Variants in CHORDC1 observed in about 807,000 individuals in gnomAD.
CHORDC1 encodes the protein cysteine and histidine-rich domain-containing protein 1.
In CHORDC1, 25 loss-of-function variants were observed where a neutral mutation model predicts 48.3. The observed-to-expected ratio is 0.52, with a 90% CI of 0.38 to 0.72. The LOEUF is 0.72. Among genes scored for constraint, CHORDC1 ranks in the 30% least tolerant of loss-of-function variants. CHORDC1 has a pLI of 0.00. For missense variants in CHORDC1, 317 were observed against 388.7 expected (o/e 0.82, Z 1.55); for synonymous variants, 128 against 126.4 (o/e 1.01, Z -0.09).
intron 4 of CHORDC1, 122 bp from the exon 5 acceptor site, chr11:90,211,440 T>C (rs1284138227): frequency 3.1e-6 from 2 of 648,070 alleles, no homozygotes; most frequent in African/African-American, 3.7e-5. Flanking sequence ...ATGATTCCCA[T>C]TAAAAGGTTA....
chr11:90,213,951 A>G, intron 4 of CHORDC1, 67 bp downstream of exon 4: 1 of 1,310,240 alleles, frequency 7.6e-7, no homozygotes, highest in Non-Finnish European at 1.1e-6. Flanking sequence ...TAAATCATAA[A>G]GGAAAGTACC....
chr11:90,202,362 A>G lies in CHORDC1; in HGVS notation c.*43T>C, dbSNP rs1243638112. On this transcript the variant is annotated 3_prime_UTR_variant, in exon 11 of 11. Transcript: ENST00000320585. ...GCAAGCCACCACTTCACACAGTATT[A>G]AAAATTCGGAAATAATGTAATAGCC... 6.3e-7 allele frequency: 1 copy of G among 1,586,104 alleles called. No homozygotes were observed. The highest frequency in any genetic ancestry group is 1.7e-5 in the Admixed American group (1 of 59,350).
At position 90,200,959 on chromosome 11, in the gene CHORDC1, A is replaced by G. The variant is rs1857530876; in HGVS notation, c.*1446T>C. 1.3e-5 allele frequency among the ~76,000 whole-genome samples: 2 copies of G among 152,022 alleles called. No homozygotes were observed. Among genetic ancestry groups the G allele is most frequent in the Non-Finnish European group, 2.9e-5 (2 of 67,876 alleles). ...ATGCTTATGTACTCCATGTGGGTCC[A>G]ACTTTTACTGCCCAGAGTTTCTTGT... On this transcript the variant is annotated 3_prime_UTR_variant, in exon 11 of 11. Coordinates refer to ENST00000320585, the MANE Select transcript of CHORDC1 (RefSeq NM_012124.3).
rs755023008 is a variant in CHORDC1, at chr11:90,218,201, A to G, written c.65-17T>C. The G allele has an allele frequency of 2.2e-5, 25 of 1,141,846 alleles. No homozygotes were observed. The East Asian group carries it at 6.8e-4, about 31-fold the overall frequency. 70.7% of individuals were successfully genotyped at this position (1,141,846 alleles called of 1,614,324 possible). On this transcript the variant is annotated splice_polypyrimidine_tract_variant and intron_variant, in intron 1 of 10. Transcript: ENST00000320585. ...TGCAAGCATCTGGAGAAAACAGAGA[A>G]AAAAAAAAAAGTACCACTCTTTATA...
chr11:90,218,245 A>C, intron 1 of CHORDC1, 61 bp from the exon 2 acceptor site: 2 of 1,219,144 alleles, frequency 1.6e-6, no homozygotes, highest in Non-Finnish European at 2.3e-6. Flanking sequence ...AAATATATAC[A>C]TGATCATCTC....
Position 90,200,644 on chromosome 11 carries a change from GTA to G in CHORDC1, c.*1759_*1760del, listed in dbSNP as rs1188300051. On this transcript the variant is annotated 3_prime_UTR_variant, in exon 11 of 11. Transcript: ENST00000320585. ...CAGACTAAATATAAAAGCTACATATGTATGTGTGTGTGTGTGTGTATAAATCA... is the reference window on the plus strand; with the variant it reads ...CAGACTAAATATAAAAGCTACATATGTGTGTGTGTGTGTGTGTATAAATCA... Among the ~76,000 whole-genome samples, 1 of 138,492 alleles carries G rather than the reference GTA, an allele frequency of 7.2e-6. No homozygotes were observed. Among genetic ancestry groups the G allele is most frequent in the Non-Finnish European group, 1.6e-5 (1 of 63,146 alleles). 90.9% of individuals were successfully genotyped at this position (138,492 alleles called of 152,430 possible). A position where few individuals can be genotyped will look rare whatever the true frequency, so the allele number is the denominator to read the frequency against.
At chr11:90,207,786 A>AAAAC (rs1857742964) in intron 6 of CHORDC1, 1 of 150,432 alleles carries the variant, frequency 6.6e-6, no homozygotes, top group Non-Finnish European at 1.5e-5. Flanking sequence ...AAACAAAAAA[A>AAAAC]ACTCGTATAA....
At position 90,200,977 on chromosome 11, in the gene CHORDC1, TTTC is replaced by T. The variant is rs982686104; in HGVS notation, c.*1425_*1427del. Among the ~76,000 whole-genome samples the T allele has an allele frequency of 4.0e-5, 6 of 151,888 alleles. No individual in the cohort carries two copies. The highest frequency in any genetic ancestry group is 1.4e-4 in the African/African-American group (6 of 41,418). ...TGGGTCCAACTTTTACTGCCCAGAG[TTTC>T]TTGTCATGGTAATGTAACATCATGA... On this transcript the variant is annotated 3_prime_UTR_variant, in exon 11 of 11. Transcript: ENST00000320585.
rs911845184 is a variant in CHORDC1, at chr11:90,202,374, ATAATG to A, written c.*26_*30del. ...TTCACACAGTATTAAAAATTCGGAA[ATAATG>A]TAATAGCCTTCCTTCCATCTCCCAC... On this transcript the variant is annotated 3_prime_UTR_variant, in exon 11 of 11. Transcript: ENST00000320585. 5.6e-6 allele frequency: 9 copies of A among 1,603,428 alleles called. No homozygotes were observed. The African/African-American group carries it at 1.1e-4, about 19-fold the overall frequency.
intron 2 of CHORDC1, among the ~76,000 whole-genome samples, chr11:90,216,266 C>T (rs1027121371): frequency 1.3e-5 from 2 of 152,082 alleles, no homozygotes; most frequent in African/African-American, 4.8e-5. Flanking sequence ...AAATACAATA[C>T]AGGCCAGCTG....
chr11:90,209,476 A>G (rs969496958), intron 6 of CHORDC1: 2 of 152,084 alleles, frequency 1.3e-5, no homozygotes, highest in African/African-American at 2.4e-5. Flanking sequence ...TTCTACACGC[A>G]CTGTTCTAAG....
At chr11:90,219,020 C>T (rs1480711134) in intron 1 of CHORDC1, among the ~76,000 whole-genome samples, 1 of 150,790 alleles carries the variant, frequency 6.6e-6, no homozygotes. Context: ...AATCCCAGCA[C>T]TTTGGGAGGC....
chr11:90,202,362 A>C lies in CHORDC1; in HGVS notation c.*43T>G, dbSNP rs1243638112. The C allele has an allele frequency of 1.9e-6, 3 of 1,586,104 alleles. No individual in the cohort carries two copies. The East Asian group carries it at 6.7e-5, about 36-fold the overall frequency. On this transcript the variant is annotated 3_prime_UTR_variant, in exon 11 of 11. Transcript: ENST00000320585. ...GCAAGCCACCACTTCACACAGTATT[A>C]AAAATTCGGAAATAATGTAATAGCC...
intron 4 of CHORDC1, chr11:90,212,728 T>G (rs1354266738): frequency 6.6e-6 from 1 of 152,074 alleles, no homozygotes; most frequent in African/African-American, 2.4e-5. Context: ...TTTCAAAAAG[T>G]CAATCTCAAG....
intron 7 of CHORDC1, 165 bp downstream of exon 7, chr11:90,206,029 TATAAACAC>T (rs1275493026): frequency 3.6e-5 from 22 of 618,644 alleles, no homozygotes; most frequent in Admixed American, 5.9e-5. Context: ...TTTTCTCATG[TATAAACAC>T]ACAACATACA....
intron 6 of CHORDC1, chr11:90,208,855 T>A (rs1218552269): frequency 1.3e-5 from 2 of 152,208 alleles, no homozygotes; most frequent in African/African-American, 2.4e-5. Context: ...TCAATTTCAA[T>A]GGCCTCCACA....
chr11:90,205,664 G>A lies in CHORDC1; in HGVS notation c.564-99C>T. The stretch of plus-strand genomic sequence containing the variant: ...AATCTGATTTTTAATAAGCCAGTAA[G>A]TGTACAAACTCTAGCATTTTACAAG... On this transcript the variant is annotated intron_variant, in intron 7 of 10. Coordinates refer to ENST00000320585, the MANE Select transcript of CHORDC1 (RefSeq NM_012124.3). 9.7e-6 allele frequency: 7 copies of A among 722,424 alleles called. No homozygotes were observed. In the South Asian group the frequency reaches 1.3e-4, roughly 13 times the overall value. The allele number at this position is 722,424 out of a possible 1,614,324, so 44.8% of individuals were successfully genotyped here.
At chr11:90,218,225 T>C in intron 1 of CHORDC1, 41 bp from the exon 2 acceptor site, 2 of 1,458,570 alleles carry the variant, frequency 1.4e-6, no homozygotes, top group African/African-American at 1.5e-5. Flanking sequence ...CCACTCTTTA[T>C]AATGAAGAAA....
intron 1 of CHORDC1, 47 bp downstream of exon 1, chr11:90,222,844 G>A (rs1275810959): frequency 6.5e-7 from 1 of 1,544,470 alleles, no homozygotes; most frequent in South Asian, 1.1e-5. Context: ...GGCCTCCCCT[G>A]CTGATGAGGT....
Sources: allele counts gnomAD v4.1 joint callset (sites outside exome capture counted in the v4.1 genomes callset), GRCh38; gene constraint gnomAD v4.1.1; transcripts MANE v1.5; gene names NCBI Gene and HGNC (gene_info 2026-07-23, HGNC 2026-07-21).